Variants in SLC17A6 observed in about 807,000 individuals in gnomAD.
SLC17A6 encodes solute carrier family 17 member 6.
In SLC17A6, 35 loss-of-function variants were observed where a neutral mutation model predicts 67.1. The observed-to-expected ratio is 0.52, with a 90% CI of 0.40 to 0.69. The LOEUF (loss-of-function observed/expected upper bound fraction) is 0.69, where lower values mean the gene tolerates loss of function less well. Ranked by LOEUF, SLC17A6 falls within the 30% of genes least tolerant of loss-of-function variation. The pLI, the probability that SLC17A6 is intolerant of heterozygous loss-of-function variation, is 0.00. For synonymous variants in SLC17A6, 285 were observed against 252.3 expected, an observed-to-expected ratio of 1.13 and a Z score of -1.23; for missense variants, 588 against 723.9, an observed-to-expected ratio of 0.81 and a Z score of 2.15.
chr11:22,369,615 A>T (rs764476977), intron 7 of SLC17A6, among the ~76,000 whole-genome samples: 4 of 151,962 alleles, frequency 2.6e-5, no homozygotes, highest in Non-Finnish European at 4.4e-5. Context: ...TCATGAATAC[A>T]TTGGATTTTC....
intron 7 of SLC17A6, among the ~76,000 whole-genome samples, chr11:22,367,419 G>A (rs1349690078): frequency 6.6e-6 from 1 of 152,166 alleles, no homozygotes. Context: ...GTTGTTCCAT[G>A]AGTTAGCTTG....
At chr11:22,360,759 T>A (rs1188627289) in intron 4 of SLC17A6, 138 bp from the exon 5 acceptor site, 8 of 639,426 alleles carry the variant, frequency 1.3e-5, no homozygotes, top group Non-Finnish European at 2.1e-5. Flanking sequence ...TAATATACAG[T>A]CTTTTCTTTT....
At chr11:22,363,668 G>T (rs1431318640) in intron 6 of SLC17A6, among the ~76,000 whole-genome samples, 2 of 152,096 alleles carry the variant, frequency 1.3e-5, no homozygotes, top group Non-Finnish European at 1.5e-5. Context: ...GCTTGTAGAA[G>T]GTTATTAAAT....
Position 22,359,439 on chromosome 11 carries a change from C to T in SLC17A6, c.485C>T (p.Thr162Ile). 2 of 1,596,524 alleles carry T rather than the reference C, an allele frequency of 1.3e-6. No individual in the cohort carries two copies. Among genetic ancestry groups the T allele is most frequent in the Non-Finnish European group, 1.7e-6 (2 of 1,171,106 alleles). The part of the protein sequence containing the change: ...NRVFGAAILL[T>I]STLNMLIPSA... ...GTTTTCGGAGCTGCCATACTTCTTA[C>T]CTCTACCCTAAATATGCTAATTCCA... The change falls in exon 4 of 12, where the codon ACC (threonine) becomes ATC (isoleucine). Residue 162 changes from threonine to isoleucine, a missense_variant. By Grantham distance (89) the Thr-to-Ile change is moderately conservative (BLOSUM62 -1). Transcript: ENST00000263160.
intron 3 of SLC17A6, among the ~76,000 whole-genome samples, chr11:22,344,592 A>G (rs1240949473): frequency 1.3e-5 from 2 of 152,188 alleles, no homozygotes; most frequent in East Asian, 3.9e-4. Context: ...CCTTTCGAGT[A>G]TCGTCTTTAC....
chr11:22,352,145 G>A (rs1009645074), intron 3 of SLC17A6, among the ~76,000 whole-genome samples: 2 of 146,226 alleles, frequency 1.4e-5, no homozygotes, highest in Non-Finnish European at 3.0e-5. Context: ...TGGTTTCAGA[G>A]GCTGATGAGG....
Position 22,376,446 on chromosome 11 carries a change from AC to A in SLC17A6, c.1286-96del, listed in dbSNP as rs1322403916. 6 of 1,329,010 alleles carry A rather than the reference AC, an allele frequency of 4.5e-6. No homozygotes were observed. The African/African-American group carries it at 8.7e-5, about 19-fold the overall frequency. The allele number at this position is 1,329,010 out of a possible 1,614,324, so 82.3% of individuals were successfully genotyped here. A position where few individuals can be genotyped will look rare whatever the true frequency, so the allele number is the denominator to read the frequency against. On this transcript the variant is annotated intron_variant, in intron 10 of 11. Transcript: ENST00000263160. ...CAAAGTAATTAAGCACGTGTTCTGTACCCAGTATATTTTAAGGAGTTGTGAT... is the reference window on the plus strand; with the variant it reads ...CAAAGTAATTAAGCACGTGTTCTGTACCAGTATATTTTAAGGAGTTGTGAT...
intron 7 of SLC17A6, among the ~76,000 whole-genome samples, chr11:22,368,929 C>A (rs1856143243): frequency 6.6e-6 from 1 of 151,890 alleles, no homozygotes; most frequent in African/African-American, 2.4e-5. Context: ...TTTATGATCA[C>A]CACATCATAA....
chr11:22,355,003 C>T (rs1215562479), intron 3 of SLC17A6, among the ~76,000 whole-genome samples: 1 of 152,146 alleles, frequency 6.6e-6, no homozygotes, highest in Non-Finnish European at 1.5e-5. Flanking sequence ...AACAGTAATC[C>T]TAAGAGATAC....
chr11:22,339,118 TA>T lies in SLC17A6; in HGVS notation c.86+500del, dbSNP rs1193477570. On this transcript the variant is annotated intron_variant, in intron 1 of 11. Transcript: ENST00000263160. ...ATATATATATGTTATATATATATGT[TA>T]TATATATATGTTATATATATATGTT... is the stretch of plus-strand genomic sequence containing the variant. Among the ~76,000 whole-genome samples the T allele has an allele frequency of 8.4e-3, 550 of 65,620 alleles. 43 individuals are homozygous for T. Among genetic ancestry groups the T allele is most frequent in the Non-Finnish European group, 0.012 (433 of 36,430 alleles). The allele number at this position is 65,620 out of a possible 152,430, so 43.0% of individuals were successfully genotyped here. A position where few individuals can be genotyped will look rare whatever the true frequency, so the allele number is the denominator to read the frequency against.
At chr11:22,359,328 A>G in intron 3 of SLC17A6, 85 bp from the exon 4 acceptor site, 1 of 717,432 alleles carries the variant, frequency 1.4e-6, no homozygotes, top group Non-Finnish European at 2.1e-6. Context: ...ATTACTTTAA[A>G]TGTTTCACTT....
rs78198439 is a variant in SLC17A6, at chr11:22,344,569, A to C, written c.458+1204A>C. Among the ~76,000 whole-genome samples the C allele has an allele frequency of 9.7e-3, 1,480 of 152,294 alleles. 24 individuals are homozygous for C. Among genetic ancestry groups the C allele is most frequent in the African/African-American group, 0.034 (1,424 of 41,552 alleles). On this transcript the variant is annotated intron_variant, in intron 3 of 11. Transcript: ENST00000263160. ...AAATGTCAAGAGGAGAGTGCCATAC[A>C]TTAGGAATAATGCCTTTCGAGTATC...
In SLC17A6 at chr11:22,341,893, C is replaced by G. The variant is rs1264414527; in HGVS notation, c.339+113C>G. On this transcript the variant is annotated intron_variant, in intron 2 of 11. Transcript: ENST00000263160. ...CCACTGAGAGGAAGGTTTGGGTGCT[C>G]CCTAAGCTCCTCTCTGGCTCTGCCG... 9.7e-6 allele frequency: 14 copies of G among 1,437,482 alleles called. No individual in the cohort carries two copies. The East Asian group carries it at 3.4e-4, about 35-fold the overall frequency. The allele number at this position is 1,437,482 out of a possible 1,614,324, so 89.0% of individuals were successfully genotyped here.
intron 3 of SLC17A6, among the ~76,000 whole-genome samples, chr11:22,343,995 C>T (rs1239225816): frequency 6.6e-6 from 1 of 152,102 alleles, no homozygotes; most frequent in African/African-American, 2.4e-5. Context: ...AGCGCCAGTT[C>T]CCAGAAGCGC....
At chr11:22,376,694 T>C in intron 11 of SLC17A6, 22 bp downstream of exon 11, 3 of 1,612,098 alleles carry the variant, frequency 1.9e-6, no homozygotes, top group Non-Finnish European at 2.5e-6. Context: ...AAAACAGATG[T>C]TTAGTCATAG....
chr11:22,343,802 G>A (rs1022255655), intron 3 of SLC17A6, among the ~76,000 whole-genome samples: 6 of 152,134 alleles, frequency 3.9e-5, no homozygotes, highest in African/African-American at 1.4e-4. Flanking sequence ...AAGGCGCCTC[G>A]AAGACCTGGC....
At chr11:22,344,495 A>G (rs1214667685) in intron 3 of SLC17A6, among the ~76,000 whole-genome samples, 1 of 152,088 alleles carries the variant, frequency 6.6e-6, no homozygotes, top group Non-Finnish European at 1.5e-5. Flanking sequence ...TTGGAAATTT[A>G]TTTTAGGCTT....
intron 8 of SLC17A6, among the ~76,000 whole-genome samples, chr11:22,371,053 A>G (rs979599600): frequency 6.6e-6 from 1 of 152,150 alleles, no homozygotes; most frequent in East Asian, 1.9e-4. Flanking sequence ...TAAATTGCTT[A>G]AAGCCACGCT....
chr11:22,360,992 C>G lies in SLC17A6; in HGVS notation c.661+8C>G. 1 of 1,609,476 alleles carries G rather than the reference C, an allele frequency of 6.2e-7. No individual in the cohort carries two copies. Among genetic ancestry groups the G allele is most frequent in the Non-Finnish European group, 8.5e-7 (1 of 1,176,264 alleles). On this transcript the variant is annotated splice_region_variant and intron_variant, in intron 5 of 11. Transcript: ENST00000263160. ...CAACCACCTCCTTTTGTGGTGAGTA[C>G]TGTGTGCAGATGCAGCTATGGTGGC...
Sources: gnomAD v4.1 joint callset for allele counts (sites outside exome capture counted in the v4.1 genomes callset) on GRCh38, gnomAD v4.1.1 for gene constraint, MANE v1.5 for transcripts, NCBI Gene and HGNC (gene_info 2026-07-23, HGNC 2026-07-21) for gene names.